ANKS4B: variants seen among roughly 807,000 people sequenced by gnomAD.
ANKS4B encodes ankyrin repeat and SAM domain-containing protein 4B.
A neutral mutation model predicts 20.2 loss-of-function variants in ANKS4B; 21 were observed. The ratio of observed to expected loss-of-function variants is 1.04; its 90% CI spans 0.74 to 1.50. ANKS4B has a LOEUF of 1.50. ANKS4B is among the 40% of genes most tolerant of loss of function. The probability of loss-of-function intolerance (pLI) is 0.00; values close to 1 mark genes in which losing one functional copy is unlikely to be tolerated. For missense variants in ANKS4B, 473 were observed against 494.6 expected, an observed-to-expected ratio of 0.96 and a Z score of 0.41; for synonymous variants, 179 against 194.5, an observed-to-expected ratio of 0.92 and a Z score of 0.66.
intron 1 of ANKS4B, among the ~76,000 whole-genome samples, chr16:21,241,277 G>A (rs2093326230): frequency 6.6e-6 from 1 of 152,168 alleles, no homozygotes; most frequent in Non-Finnish European, 1.5e-5. Context: ...CTTTACGTCT[G>A]TGAGTACCCA....
At position 21,250,857 on chromosome 16, in the gene ANKS4B, T is replaced by C; in HGVS notation, c.*37T>C. The C allele has an allele frequency of 6.5e-7, 1 of 1,543,914 alleles. No homozygotes were observed. The highest frequency in any genetic ancestry group is 2.3e-5 in the East Asian group (1 of 43,986). On this transcript the variant is annotated 3_prime_UTR_variant, in exon 2 of 2. Transcript: ENST00000311620. ...GGCCTGGAGCATTGGGGTGATGCTG[T>C]GGCCCGCTGGCAGCACTCCAGGCGG...
In ANKS4B at chr16:21,249,583, C is replaced by G. The variant is rs1292777904; in HGVS notation, c.165-148C>G. On this transcript the variant is annotated intron_variant, in intron 1 of 1. Coordinates refer to ENST00000311620, the MANE Select transcript of ANKS4B (RefSeq NM_145865.3). ...GATGGTTCTAAGACAGTTGGACTTG[C>G]AGCCAGTATCTTATAACAATGTCAA... is the stretch of plus-strand genomic sequence containing the variant. The G allele has an allele frequency of 8.7e-6, 8 of 922,484 alleles. No individual in the cohort carries two copies. In the East Asian group the frequency reaches 1.9e-4, roughly 21 times the overall value. 57.1% of individuals were successfully genotyped at this position (922,484 alleles called of 1,614,324 possible). A position where few individuals can be genotyped will look rare whatever the true frequency, so the allele number is the denominator to read the frequency against.
Position 21,250,132 on chromosome 16 carries a change from C to G in ANKS4B, c.566C>G (p.Ser189Cys), listed in dbSNP as rs2093337122. ...TCCAGATCATCCCCTTCAAATGCTTCTGCTCCTGGCACATTCGGGTCACTA... is the reference window on the plus strand; with the variant it reads ...TCCAGATCATCCCCTTCAAATGCTTGTGCTCCTGGCACATTCGGGTCACTA... Reference protein sequence around the residue: ...TFSRSSPSNASAPGTFGSLSK... With the variant: ...TFSRSSPSNACAPGTFGSLSK... The change falls in exon 2 of 2, where the codon TCT (serine) becomes TGT (cysteine). Residue 189 changes from serine to cysteine, a missense_variant. Coordinates refer to ENST00000311620, the MANE Select transcript of ANKS4B (RefSeq NM_145865.3). 3 of 1,614,094 alleles carry G rather than the reference C, an allele frequency of 1.9e-6. No homozygotes were observed. The highest frequency in any genetic ancestry group is 1.6e-4 in the Middle Eastern group (1 of 6,084).
intron 1 of ANKS4B, among the ~76,000 whole-genome samples, chr16:21,245,543 G>A (rs1212447709): frequency 6.6e-6 from 1 of 151,752 alleles, no homozygotes; most frequent in Non-Finnish European, 1.5e-5. Flanking sequence ...GCGCAATCTC[G>A]GCTCACTGCA....
intron 1 of ANKS4B, among the ~76,000 whole-genome samples, chr16:21,247,931 T>C (rs968504970): frequency 6.6e-6 from 1 of 152,204 alleles, no homozygotes; most frequent in East Asian, 1.9e-4. Flanking sequence ...TGGAAGTAAG[T>C]TGAGGAATAA....
Position 21,250,880 on chromosome 16 carries a change from C to A in ANKS4B, c.*60C>A. The stretch of plus-strand genomic sequence containing the variant: ...TGTGGCCCGCTGGCAGCACTCCAGG[C>A]GGCACCCCCTCTTTACCCAATGCCA... On this transcript the variant is annotated 3_prime_UTR_variant, in exon 2 of 2. Coordinates refer to ENST00000311620, the MANE Select transcript of ANKS4B (RefSeq NM_145865.3). 6.6e-7 allele frequency: 1 copy of A among 1,524,832 alleles called. No individual in the cohort carries two copies. Among genetic ancestry groups the A allele is most frequent in the Non-Finnish European group, 8.8e-7 (1 of 1,134,506 alleles). The allele number at this position is 1,524,832 out of a possible 1,614,324, so 94.5% of individuals were successfully genotyped here. A position where few individuals can be genotyped will look rare whatever the true frequency, so the allele number is the denominator to read the frequency against.
rs2093338837 is a variant in ANKS4B at position 21,251,017 on chromosome 16, TGAG to T, written c.*201_*203del. The T allele has an allele frequency of 3.4e-6, 2 of 594,306 alleles. No homozygotes were observed. The highest frequency in any genetic ancestry group is 1.8e-5 in the African/African-American group (1 of 54,794). The allele number at this position is 594,306 out of a possible 1,614,324, so 36.8% of individuals were successfully genotyped here. On this transcript the variant is annotated 3_prime_UTR_variant, in exon 2 of 2. Coordinates refer to ENST00000311620, the MANE Select transcript of ANKS4B (RefSeq NM_145865.3). Reference sequence around the variant, plus strand: ...TCCAAATAAATCTCCATGAGAAACTTGAGGAGACTTCATAACAAGAATCTGGCA... The same window carrying T: ...TCCAAATAAATCTCCATGAGAAACTTGAGACTTCATAACAAGAATCTGGCA...
At chr16:21,243,997 G>A (rs1487660762) in intron 1 of ANKS4B, 2 of 151,750 alleles carry the variant, frequency 1.3e-5, no homozygotes, top group Non-Finnish European at 2.9e-5. Context: ...CCCACCTTTG[G>A]GGTCATCTCA....
chr16:21,235,750 G>A (rs2093319600), intron 1 of ANKS4B, among the ~76,000 whole-genome samples: 1 of 152,194 alleles, frequency 6.6e-6, no homozygotes, highest in East Asian at 1.9e-4. Context: ...TTTAGGAAGT[G>A]TCAGAAGAAC....
intron 1 of ANKS4B, among the ~76,000 whole-genome samples, chr16:21,234,507 C>CACAG (rs1278280744): frequency 1.3e-5 from 2 of 151,558 alleles, no homozygotes; most frequent in East Asian, 3.9e-4. Context: ...CACACACACA[C>CACAG]ACACACACAC....
At chr16:21,241,630 T>C (rs1160167078) in intron 1 of ANKS4B, among the ~76,000 whole-genome samples, 2 of 152,162 alleles carry the variant, frequency 1.3e-5, no homozygotes, top group African/African-American at 4.8e-5. Context: ...CGGGCTGGTC[T>C]CAAACTCCTG....
In ANKS4B at chr16:21,249,975, G is replaced by C; in HGVS notation, c.409G>C (p.Glu137Gln). 1 of 1,614,210 alleles carries C rather than the reference G, an allele frequency of 6.2e-7. No homozygotes were observed. The highest frequency in any genetic ancestry group is 8.5e-7 in the Non-Finnish European group (1 of 1,180,034). Reference protein sequence around the residue: ...MNPKKVTRLKEQAQKNARRQI... With the variant: ...MNPKKVTRLKQQAQKNARRQI... ...CCCCAAGAAGGTCACCAGGCTGAAG[G>C]AGCAGGCTCAGAAGAATGCCAGGAG... is the stretch of plus-strand genomic sequence containing the variant. The change falls in exon 2 of 2, where the codon GAG (glutamate) becomes CAG (glutamine). Residue 137 changes from glutamate to glutamine, a missense_variant. Physicochemically the swap from Glu to Gln is conservative, Grantham distance 29. Coordinates refer to ENST00000311620, the MANE Select transcript of ANKS4B (RefSeq NM_145865.3).
intron 1 of ANKS4B, chr16:21,243,829 T>TC (rs2093329266): frequency 6.6e-6 from 1 of 152,174 alleles, no homozygotes; most frequent in Non-Finnish European, 1.5e-5. Context: ...CACCTTGGCC[T>TC]CCCAAAGTGC....
rs2093339424 is a variant in ANKS4B at position 21,251,476 on chromosome 16, CTTTTCTATCTCTGGATTTAAAATTA to C, written c.*658_*682del. The C allele has an allele frequency of 3.3e-5, 5 of 152,322 alleles. No individual in the cohort carries two copies. In the South Asian group the frequency reaches 1.0e-3, roughly 32 times the overall value. 9.4% of individuals were successfully genotyped at this position (152,322 alleles called of 1,614,324 possible). On this transcript the variant is annotated 3_prime_UTR_variant, in exon 2 of 2. Transcript: ENST00000311620. ...AGGAAAATGAAAGAAACTTCCTTTACTTTTCTATCTCTGGATTTAAAATTATAATCTCATCACATTATCCTGCTGC... is the reference window on the plus strand; with the variant it reads ...AGGAAAATGAAAGAAACTTCCTTTACTAATCTCATCACATTATCCTGCTGC...
At chr16:21,236,104 G>C (rs978490537) in intron 1 of ANKS4B, among the ~76,000 whole-genome samples, 2 of 152,198 alleles carry the variant, frequency 1.3e-5, no homozygotes, top group African/African-American at 4.8e-5. Flanking sequence ...TGTACAGGAA[G>C]TATAGTAGCT....
chr16:21,242,352 T>G (rs1485038647), intron 1 of ANKS4B, among the ~76,000 whole-genome samples: 1 of 152,152 alleles, frequency 6.6e-6, no homozygotes, highest in Non-Finnish European at 1.5e-5. Context: ...CACACCCAGC[T>G]AATTTTTGTA....
At position 21,250,555 on chromosome 16, in the gene ANKS4B, C is replaced by T. The variant is rs561061456; in HGVS notation, c.989C>T (p.Pro330Leu). 4.3e-6 allele frequency: 7 copies of T among 1,614,056 alleles called. No homozygotes were observed. The highest frequency in any genetic ancestry group is 4.5e-5 in the East Asian group (2 of 44,882). Residue 330 changes from proline (P) to leucine (L), a missense_variant, in exon 2 of 2, where the codon CCG becomes CTG. Coordinates refer to ENST00000311620, the MANE Select transcript of ANKS4B (RefSeq NM_145865.3). Reference protein sequence around the residue: ...GEENGLKDDLPWDDDEVEWEE... With the variant: ...GEENGLKDDLLWDDDEVEWEE... Reference sequence around the variant, plus strand: ...GAAAACGGCCTCAAAGATGATCTGCCGTGGGATGACGATGAAGTGGAGTGG... The same window carrying T: ...GAAAACGGCCTCAAAGATGATCTGCTGTGGGATGACGATGAAGTGGAGTGG...
chr16:21,245,491 T>C (rs1370383005), intron 1 of ANKS4B, among the ~76,000 whole-genome samples: 1 of 152,164 alleles, frequency 6.6e-6, no homozygotes, highest in Non-Finnish European at 1.5e-5. Flanking sequence ...TTTATTTTTT[T>C]GAGACAGAGT....
intron 1 of ANKS4B, among the ~76,000 whole-genome samples, chr16:21,247,409 C>T (rs1235558203): frequency 6.6e-6 from 1 of 152,158 alleles, no homozygotes; most frequent in African/African-American, 2.4e-5. Context: ...GGAGACCCAA[C>T]GTTGAGCAGC....
Sources: gnomAD v4.1 joint callset for allele counts (sites outside exome capture counted in the v4.1 genomes callset) on GRCh38, gnomAD v4.1.1 for gene constraint, MANE v1.5 for transcripts, NCBI Gene and HGNC (gene_info 2026-07-23, HGNC 2026-07-21) for gene names.